Variants in ABHD12 observed in about 807,000 individuals in gnomAD.
ABHD12 encodes abhydrolase domain containing 12, lysophospholipase, also known as lysophosphatidylserine lipase ABHD12.
In ABHD12, 43 loss-of-function variants were observed where a neutral mutation model predicts 58.3. The observed-to-expected ratio is 0.74, with a 90% CI of 0.58 to 0.95. The LOEUF (loss-of-function observed/expected upper bound fraction) is 0.95, where lower values mean the gene tolerates loss of function less well. Among genes scored for constraint, ABHD12 ranks in the 40% least tolerant of loss-of-function variants. The pLI, the probability that ABHD12 is intolerant of heterozygous loss-of-function variation, is 0.00. For synonymous variants in ABHD12, 219 were observed against 211.2 expected (o/e 1.04, Z -0.32); for missense variants, 539 against 537.2 (o/e 1.00, Z -0.03).
At chr20:25,385,604 G>C (rs2090078542) in intron 1 of ABHD12, among the ~76,000 whole-genome samples, 1 of 151,990 alleles carries the variant, frequency 6.6e-6, no homozygotes, top group Non-Finnish European at 1.5e-5. Flanking sequence ...CCAATACTTT[G>C]GGGGACAGAG....
intron 6 of ABHD12, 115 bp from the exon 7 acceptor site, chr20:25,309,690 C>A: frequency 6.7e-7 from 1 of 1,493,970 alleles, no homozygotes; most frequent in East Asian, 2.3e-5. Flanking sequence ...GCCCGCTTGG[C>A]CCACCCTTCC....
chr20:25,343,592 G>A (rs1372043384), intron 1 of ABHD12, among the ~76,000 whole-genome samples: 1 of 152,132 alleles, frequency 6.6e-6, no homozygotes, highest in Non-Finnish European at 1.5e-5. Context: ...ATGACCTAAG[G>A]TCAGGAGTTC....
intron 1 of ABHD12, among the ~76,000 whole-genome samples, chr20:25,365,827 T>C (rs1052951773): frequency 6.6e-6 from 1 of 152,076 alleles, no homozygotes; most frequent in Non-Finnish European, 1.5e-5. Context: ...GGTGGGAGGA[T>C]TGCTTGAGGC....
intron 1 of ABHD12, chr20:25,368,687 T>C (rs1292181167): frequency 7.3e-7 from 1 of 1,369,496 alleles, no homozygotes; most frequent in East Asian, 2.4e-5. Context: ...TTTGGAATCT[T>C]GTCTGCAAAC....
intron 1 of ABHD12, among the ~76,000 whole-genome samples, chr20:25,363,972 C>T (rs907081934): frequency 1.3e-5 from 2 of 152,142 alleles, no homozygotes; most frequent in African/African-American, 4.8e-5. Flanking sequence ...AATAAACAAA[C>T]ACAAGCATCT....
intron 1 of ABHD12, among the ~76,000 whole-genome samples, chr20:25,382,790 C>T (rs62213729): frequency 0.35 from 52,988 of 152,008 alleles, 10,871 homozygotes; most frequent in Non-Finnish European, 0.47. Flanking sequence ...CTGAAAGGAA[C>T]TAGGAACCAA....
intron 1 of ABHD12, among the ~76,000 whole-genome samples, chr20:25,346,289 C>T (rs1206476864): frequency 6.6e-6 from 1 of 152,068 alleles, no homozygotes; most frequent in Admixed American, 6.6e-5. Flanking sequence ...ATGGAGATGG[C>T]AAAAAGATTA....
chr20:25,390,786 GC>G lies in ABHD12; in HGVS notation c.-84del. The G allele has an allele frequency of 3.2e-6, 3 of 943,376 alleles. No individual in the cohort carries two copies. Among genetic ancestry groups the G allele is most frequent in the Non-Finnish European group, 4.1e-6 (3 of 738,092 alleles). 58.4% of individuals were successfully genotyped at this position (943,376 alleles called of 1,614,324 possible). A position where few individuals can be genotyped will look rare whatever the true frequency, so the allele number is the denominator to read the frequency against. ...CCGCTCACAGCCGCCGCCACCCAGA[GC>G]CCGGAGCCCGGAACCCGCCGCTCCT... On this transcript the variant is annotated 5_prime_UTR_variant, in exon 1 of 13. Coordinates refer to ENST00000339157, the MANE Select transcript of ABHD12 (RefSeq NM_001042472.3).
intron 1 of ABHD12, among the ~76,000 whole-genome samples, chr20:25,356,196 C>G (rs945291178): frequency 2.6e-5 from 4 of 152,218 alleles, no homozygotes; most frequent in Non-Finnish European, 4.4e-5. Context: ...AAAAACACAT[C>G]CAGGGTCAGA....
intron 1 of ABHD12, among the ~76,000 whole-genome samples, chr20:25,375,176 G>A (rs1482735107): frequency 3.9e-5 from 6 of 152,192 alleles, no homozygotes. Context: ...GGCCTCATGA[G>A]AAACCAGCCC....
At chr20:25,387,765 G>A (rs1256403355) in intron 1 of ABHD12, among the ~76,000 whole-genome samples, 1 of 151,002 alleles carries the variant, frequency 6.6e-6, no homozygotes, top group African/African-American at 2.4e-5. Flanking sequence ...ATTCCAGGCC[G>A]GGCGCTGTGG....
intron 1 of ABHD12, among the ~76,000 whole-genome samples, chr20:25,343,360 A>G (rs1162920107): frequency 6.6e-6 from 1 of 151,902 alleles, no homozygotes; most frequent in East Asian, 1.9e-4. Flanking sequence ...CTATAAGCTC[A>G]GCATTACCCT....
At chr20:25,303,428 G>A (rs2088674963) in intron 11 of ABHD12, 122 bp downstream of exon 11, 5 of 1,532,686 alleles carry the variant, frequency 3.3e-6, no homozygotes, top group Non-Finnish European at 4.4e-6. Context: ...CGTGGCTGGT[G>A]CGCAGCCCGT....
chr20:25,382,472 A>G (rs1568777208), intron 1 of ABHD12, among the ~76,000 whole-genome samples: 1 of 152,122 alleles, frequency 6.6e-6, no homozygotes, highest in Non-Finnish European at 1.5e-5. Flanking sequence ...TTGAGGTTAT[A>G]TTTCAATAAA....
At position 25,390,575 on chromosome 20, in the gene ABHD12, C is replaced by T. The variant is rs757700898; in HGVS notation, c.129G>A (p.Thr43=). The T allele has an allele frequency of 8.7e-5, 129 of 1,479,512 alleles. No homozygotes were observed. Among genetic ancestry groups the T allele is most frequent in the South Asian group, 2.8e-4 (22 of 79,216 alleles). The allele number at this position is 1,479,512 out of a possible 1,614,324, so 91.6% of individuals were successfully genotyped here. A position where few individuals can be genotyped will look rare whatever the true frequency, so the allele number is the denominator to read the frequency against. Residue 43 remains threonine, a synonymous_variant, in exon 1 of 13, where the codon ACG becomes ACA. Coordinates refer to ENST00000339157, the MANE Select transcript of ABHD12 (RefSeq NM_001042472.3). ...AGCGCGGCTCAGCCGCCGCCGGGCC[C>T]GTCAGGCGTAGGTTCTGCTTCAGGC... ...DCRLKQNLRL[T]GPAAAEPRCA... is the part of the protein sequence containing the mutation.
intron 12 of ABHD12, chr20:25,295,163 A>C: frequency 1.1e-6 from 1 of 922,030 alleles, no homozygotes; most frequent in Non-Finnish European, 1.8e-6. Context: ...CAGGAACTGC[A>C]AGTCAGTATT....
At chr20:25,388,455 C>T (rs1252982879) in intron 1 of ABHD12, among the ~76,000 whole-genome samples, 2 of 152,074 alleles carry the variant, frequency 1.3e-5, no homozygotes, top group African/African-American at 4.8e-5. Flanking sequence ...ACAAGGTCGA[C>T]AGGAGTGGGC....
At chr20:25,301,914 G>C (rs926017757) in intron 12 of ABHD12, among the ~76,000 whole-genome samples, 1 of 152,216 alleles carries the variant, frequency 6.6e-6, no homozygotes, top group Non-Finnish European at 1.5e-5. Flanking sequence ...AAGTGGCTGG[G>C]GTGTCTGTGT....
downstream of ABHD12, chr20:25,297,567 A>T (rs2088568080): frequency 6.6e-6 from 1 of 152,256 alleles, no homozygotes; most frequent in African/African-American, 2.4e-5. Flanking sequence ...CTCTGCTTGG[A>T]CAGCAGGCCT....
Sources: gnomAD v4.1 joint callset for allele counts (sites outside exome capture counted in the v4.1 genomes callset) on GRCh38, gnomAD v4.1.1 for gene constraint, MANE v1.5 for transcripts, NCBI Gene and HGNC (gene_info 2026-07-23, HGNC 2026-07-21) for gene names.